Variants in TMEM108 observed in about 807,000 individuals in gnomAD.
TMEM108 encodes the protein cancer/testis antigen 124.
Under a neutral mutation model 35.1 loss-of-function variants are expected in TMEM108, and 12 were observed. The observed-to-expected ratio is 0.34, with a 90% CI of 0.22 to 0.55. The LOEUF (loss-of-function observed/expected upper bound fraction) is 0.55, where lower values mean the gene tolerates loss of function less well. Ranked by LOEUF, TMEM108 falls within the 20% of genes least tolerant of loss-of-function variation. The pLI is 0.89. For synonymous variants in TMEM108, 287 were observed against 308.6 expected, an observed-to-expected ratio of 0.93 and a Z score of 0.73; for missense variants, 680 against 753.3, an observed-to-expected ratio of 0.90 and a Z score of 1.14.
At chr3:133,065,873 C>T (rs1047571287) in intron 2 of TMEM108, among the ~76,000 whole-genome samples, 1 of 152,076 alleles carries the variant, frequency 6.6e-6, no homozygotes, top group African/African-American at 2.4e-5. Context: ...TAATGCATGG[C>T]AATTTTAGTT....
At chr3:133,243,758 C>T (rs1946345982) in intron 3 of TMEM108, among the ~76,000 whole-genome samples, 1 of 85,888 alleles carries the variant, frequency 1.2e-5, no homozygotes, top group South Asian at 5.6e-4. Flanking sequence ...CTCCTGACCT[C>T]GTGATCCACC....
At chr3:133,209,671 T>C (rs1945808384) in intron 2 of TMEM108, among the ~76,000 whole-genome samples, 1 of 152,154 alleles carries the variant, frequency 6.6e-6, no homozygotes, top group African/African-American at 2.4e-5. Flanking sequence ...GGAGGTTCCT[T>C]TGGTGTAGTC....
At chr3:133,073,510 C>CTCTATATATATATATATATA in intron 2 of TMEM108, among the ~76,000 whole-genome samples, 4 of 43,918 alleles carry the variant, frequency 9.1e-5, no homozygotes, top group Non-Finnish European at 1.5e-4. Flanking sequence ...CTCTCTCTCT[C>CTCTATATATATATATATATA]TATATATATA....
chr3:133,300,182 G>C (rs1031886805), intron 3 of TMEM108, among the ~76,000 whole-genome samples: 2 of 152,130 alleles, frequency 1.3e-5, no homozygotes, highest in African/African-American at 4.8e-5. Flanking sequence ...GCTGGTATGG[G>C]GGGGTGGGTG....
At position 133,380,900 on chromosome 3, in the gene TMEM108, A is replaced by T. The variant is rs142992629; in HGVS notation, c.1189A>T (p.Ile397Phe). 1.2e-6 allele frequency: 2 copies of T among 1,614,074 alleles called. No homozygotes were observed. The highest frequency in any genetic ancestry group is 1.7e-6 in the Non-Finnish European group (2 of 1,179,994). ...TCCCTCCAGGGTCTCAGAAAGCACT[A>T]TTTCTGGAGCCAAGGAGGAGACTGT... ...THPSRVSEST[I>F]SGAKEETVAT... The change falls in exon 4 of 6, where the codon ATT (isoleucine) becomes TTT (phenylalanine). Residue 397 changes from isoleucine to phenylalanine, a missense_variant. This residue lies in a region of TMEM108 where 526 missense variants were observed against 532.1 expected (regional missense o/e 0.99). Transcript: ENST00000321871. This position sits in a 1 kb window ranked among gnomAD's most constrained non-coding sequence, Gnocchi z 5.3.
At chr3:133,363,120 A>G (rs923180449) in intron 3 of TMEM108, among the ~76,000 whole-genome samples, 4 of 152,186 alleles carry the variant, frequency 2.6e-5, no homozygotes, top group Admixed American at 6.5e-5. Flanking sequence ...CTTTTCTCCA[A>G]TACTATTGTG....
intron 2 of TMEM108, among the ~76,000 whole-genome samples, chr3:133,173,275 G>A (rs1475838996): frequency 6.6e-6 from 1 of 152,198 alleles, no homozygotes; most frequent in Non-Finnish European, 1.5e-5. Flanking sequence ...AGTTTAGAAA[G>A]TTCAGTAACT....
intron 2 of TMEM108, among the ~76,000 whole-genome samples, chr3:133,125,741 A>G (rs1944406935): frequency 6.6e-6 from 1 of 152,208 alleles, no homozygotes; most frequent in South Asian, 2.1e-4. Flanking sequence ...CATTTGCCAT[A>G]TATTTGATTC....
intron 3 of TMEM108, among the ~76,000 whole-genome samples, chr3:133,244,735 T>C (rs2107663214): frequency 6.6e-6 from 1 of 152,358 alleles, no homozygotes; most frequent in East Asian, 1.9e-4. Context: ...CAAGGAATAC[T>C]TCGAAAACGT....
At chr3:133,341,512 C>T (rs2071661191) in intron 3 of TMEM108, among the ~76,000 whole-genome samples, 1 of 151,828 alleles carries the variant, frequency 6.6e-6, no homozygotes, top group Non-Finnish European at 1.5e-5. Flanking sequence ...ATACCAATGA[C>T]ATTCTTCACA....
chr3:133,230,921 TG>T (rs1946143670), intron 3 of TMEM108, among the ~76,000 whole-genome samples: 6 of 152,194 alleles, frequency 3.9e-5, no homozygotes, highest in Admixed American at 6.5e-5. Context: ...AAAACGACTG[TG>T]TCTTAACACC....
At chr3:133,257,536 A>T (rs1946565036) in intron 3 of TMEM108, among the ~76,000 whole-genome samples, 1 of 152,168 alleles carries the variant, frequency 6.6e-6, no homozygotes, top group African/African-American at 2.4e-5. Context: ...CTGAAACAAA[A>T]CCTAAAGAAG....
intron 3 of TMEM108, among the ~76,000 whole-genome samples, chr3:133,342,685 T>C (rs2071701790): frequency 6.6e-6 from 1 of 150,394 alleles, no homozygotes; most frequent in African/African-American, 2.4e-5. Context: ...TGCATCTTCT[T>C]AGTCATGTGG....
At chr3:133,039,448 A>G (rs1450975547) in intron 1 of TMEM108, among the ~76,000 whole-genome samples, 1 of 152,184 alleles carries the variant, frequency 6.6e-6, no homozygotes, top group Non-Finnish European at 1.5e-5. Context: ...TTGGCTGCCA[A>G]AAGAGGTTTG....
chr3:133,235,180 AG>A (rs1184437434), intron 3 of TMEM108, among the ~76,000 whole-genome samples: 1 of 151,748 alleles, frequency 6.6e-6, no homozygotes, highest in African/African-American at 2.4e-5. Context: ...ATACTGCCCA[AG>A]GTAATTTATA....
rs912743326 is a variant in TMEM108 at position 133,396,513 on chromosome 3, G to A, written c.*527G>A. On this transcript the variant is annotated 3_prime_UTR_variant, in exon 6 of 6. Coordinates refer to ENST00000321871, the MANE Select transcript of TMEM108 (RefSeq NM_023943.4). ...ATCACCTCTGAGGATGAGTACCCTGGAGCCTTATGACGGCACCATTGGATG... is the reference window on the plus strand; with the variant it reads ...ATCACCTCTGAGGATGAGTACCCTGAAGCCTTATGACGGCACCATTGGATG... The A allele has an allele frequency of 1.3e-5, 2 of 152,204 alleles. No individual in the cohort carries two copies. Among genetic ancestry groups the A allele is most frequent in the African/African-American group, 2.4e-5 (1 of 41,424 alleles). The allele number at this position is 152,204 out of a possible 1,614,324, so 9.4% of individuals were successfully genotyped here.
chr3:133,095,676 A>G lies in TMEM108; in HGVS notation c.-47+49656A>G, dbSNP rs561413144. Among the ~76,000 whole-genome samples the G allele has an allele frequency of 2.0e-5, 3 of 152,246 alleles. No individual in the cohort carries two copies. The South Asian group carries it at 6.2e-4, about 32-fold the overall frequency. ...GATGCAACCTAGATCCCTTGCATGC[A>G]CAATTCACAATAGGGTTTGTGCTTC... is the stretch of plus-strand genomic sequence containing the variant. On this transcript the variant is annotated intron_variant, in intron 2 of 5. Transcript: ENST00000321871.
In TMEM108 at chr3:133,244,006, A is replaced by G. The variant is rs188212076; in HGVS notation, c.40+14655A>G. Among the ~76,000 whole-genome samples the G allele has an allele frequency of 4.1e-3, 623 of 152,258 alleles. 3 individuals are homozygous for G. The highest frequency in any genetic ancestry group is 0.017 in the Middle Eastern group (5 of 294). On this transcript the variant is annotated intron_variant, in intron 3 of 5. Coordinates refer to ENST00000321871, the MANE Select transcript of TMEM108 (RefSeq NM_023943.4). ...GAGTATCAAGCAAAACTCCACAGAG[A>G]TTGACTTTGTTGCAGTCTGTCTTGA... is the stretch of plus-strand genomic sequence containing the variant.
intron 2 of TMEM108, among the ~76,000 whole-genome samples, chr3:133,153,047 T>G (rs1444986083): frequency 1.3e-5 from 2 of 152,130 alleles, no homozygotes; most frequent in Non-Finnish European, 1.5e-5. Flanking sequence ...AGATGGATTT[T>G]CAGAGGAAAT....
Sources: gnomAD v4.1 joint callset for allele counts (sites outside exome capture counted in the v4.1 genomes callset) on GRCh38, gnomAD v4.1.1 for gene constraint, gnomAD v4.1.1 regional missense constraint, Gnocchi (gnomAD v3.1) non-coding constraint, MANE v1.5 for transcripts, NCBI Gene and HGNC (gene_info 2026-07-23, HGNC 2026-07-21) for gene names.